Variants in BANK1 observed in about 807,000 individuals in gnomAD.
The protein encoded by BANK1 is B cell scaffold protein with ankyrin repeats 1.
A neutral mutation model predicts 94.5 loss-of-function variants in BANK1; 95 were observed. That is an observed-to-expected ratio of 1.00 (90% CI 0.85 to 1.19). The LOEUF (loss-of-function observed/expected upper bound fraction) is 1.19, where lower values mean the gene tolerates loss of function less well. Ranked by LOEUF, BANK1 falls within the 50% of genes most tolerant of loss-of-function variation. The pLI, the probability that BANK1 is intolerant of heterozygous loss-of-function variation, is 0.00. For missense variants in BANK1, 987 were observed against 932.2 expected (o/e 1.06, Z -0.77); for synonymous variants, 334 against 308.4 (o/e 1.08, Z -0.87).
chr4:101,873,796 G>A (rs1299505104), intron 5 of BANK1, among the ~76,000 whole-genome samples: 1 of 152,040 alleles, frequency 6.6e-6, no homozygotes, highest in African/African-American at 2.4e-5. Flanking sequence ...GCCCAGTTTG[G>A]GATGATAATT....
intron 6 of BANK1, among the ~76,000 whole-genome samples, chr4:101,916,127 A>G (rs73836642): frequency 7.9e-4 from 120 of 152,152 alleles, no homozygotes; most frequent in African/African-American, 2.7e-3. Flanking sequence ...AGCATTTGTG[A>G]CATGGCATCA....
intron 5 of BANK1, among the ~76,000 whole-genome samples, chr4:101,881,574 CA>C: frequency 6.6e-6 from 1 of 152,106 alleles, no homozygotes; most frequent in Non-Finnish European, 1.5e-5. Context: ...GGTATATACC[CA>C]AAAGAAAGGA....
chr4:101,904,874 G>C (rs953968286), intron 6 of BANK1, among the ~76,000 whole-genome samples: 1 of 152,210 alleles, frequency 6.6e-6, no homozygotes, highest in African/African-American at 2.4e-5. Flanking sequence ...CAGACGTCCA[G>C]TGCTGTAGAG....
chr4:101,910,461 C>A (rs539074751), intron 6 of BANK1, among the ~76,000 whole-genome samples: 2 of 152,064 alleles, frequency 1.3e-5, no homozygotes, highest in East Asian at 1.9e-4. Context: ...GCGGGCTGAT[C>A]ACCTGAGGTC....
rs1366244081 is a variant in BANK1, at chr4:101,830,034, G to T, written c.297G>T (p.Gln99His). ...LLRDLTPKKCQFLEKILHSPK... is the reference protein window; with the variant it reads ...LLRDLTPKKCHFLEKILHSPK... Reference sequence around the variant, plus strand: ...GAGACCTAACTCCAAAGAAATGTCAGTTTCTGGAAAAGATACTTCATTCAC... The same window carrying T: ...GAGACCTAACTCCAAAGAAATGTCATTTTCTGGAAAAGATACTTCATTCAC... The change falls in exon 2 of 17, where the codon CAG becomes CAT. Residue 99 changes from glutamine (Q) to histidine (H), a missense_variant. By Grantham distance (24) the Gln-to-His change is conservative (BLOSUM62 0). Transcript: ENST00000322953. 2 of 1,613,740 alleles carry T rather than the reference G, an allele frequency of 1.2e-6. No homozygotes were observed. Among genetic ancestry groups the T allele is most frequent in the Admixed American group, 1.7e-5 (1 of 59,974 alleles).
At chr4:101,935,153 G>A (rs1723486618) in intron 7 of BANK1, among the ~76,000 whole-genome samples, 1 of 151,444 alleles carries the variant, frequency 6.6e-6, no homozygotes, top group Non-Finnish European at 1.5e-5. Flanking sequence ...AGGGATCTTT[G>A]TTTTGTTTTT....
chr4:101,903,901 T>C (rs1722361061), intron 6 of BANK1, among the ~76,000 whole-genome samples: 1 of 152,170 alleles, frequency 6.6e-6, no homozygotes, highest in South Asian at 2.1e-4. Flanking sequence ...CACGAGAAAT[T>C]GAATTTTGCA....
In BANK1 at chr4:102,060,370, G is replaced by C. The variant is rs1728377761; in HGVS notation, c.2129G>C (p.Gly710Ala). Residue 710 changes from glycine to alanine, a missense_variant, in exon 12 of 17, where the codon GGC (glycine) becomes GCC (alanine). Transcript: ENST00000322953. ...AAACACTGGCAGATGGGAAAAAGTG[G>C]CCTGGAAATGATTCAGCAGGTAATA... is the stretch of plus-strand genomic sequence containing the variant. ...KFKHWQMGKS[G>A]LEMIQQEKLR... 2 of 1,608,580 alleles carry C rather than the reference G, an allele frequency of 1.2e-6. No homozygotes were observed. The highest frequency in any genetic ancestry group is 4.5e-5 in the East Asian group (2 of 44,286).
chr4:101,853,705 A>G (rs1339060084), intron 2 of BANK1, among the ~76,000 whole-genome samples: 1 of 152,148 alleles, frequency 6.6e-6, no homozygotes, highest in Non-Finnish European at 1.5e-5. Context: ...ACTTGGAAGT[A>G]ACGGACCAAC....
chr4:101,893,614 A>G (rs543045289), intron 5 of BANK1, among the ~76,000 whole-genome samples: 11 of 152,152 alleles, frequency 7.2e-5, no homozygotes, highest in Admixed American at 4.6e-4. Flanking sequence ...CATATTACCA[A>G]TAATTTTTTG....
rs895821650 is a variant in BANK1 at position 101,926,620 on chromosome 4, A to G, written c.1206+8431A>G. The stretch of plus-strand genomic sequence containing the variant: ...GAAATAAGACTATAAATAAATAAAG[A>G]TATACAATGTGTCCAGTGGAAATTA... On this transcript the variant is annotated intron_variant, in intron 7 of 16. Transcript: ENST00000322953. Among the ~76,000 whole-genome samples the G allele has an allele frequency of 3.9e-5, 6 of 151,900 alleles. 1 individual carries two copies. The highest frequency in any genetic ancestry group is 3.9e-4 in the Admixed American group (6 of 15,234).
chr4:102,055,356 AAG>A (rs1405924932), intron 11 of BANK1, among the ~76,000 whole-genome samples: 1 of 150,312 alleles, frequency 6.7e-6, no homozygotes, highest in Non-Finnish European at 1.5e-5. Flanking sequence ...ATAAAATAGA[AAG>A]AGAATAATTT....
At chr4:102,039,220 C>T (rs1727625992) in intron 10 of BANK1, among the ~76,000 whole-genome samples, 1 of 152,014 alleles carries the variant, frequency 6.6e-6, no homozygotes, top group Non-Finnish European at 1.5e-5. Context: ...TTGAATGTAC[C>T]CGTTGAAATG....
rs1375943556 is a variant in BANK1, at chr4:101,991,828, T to A, written c.1207-29686T>A. The stretch of plus-strand genomic sequence containing the variant: ...GTGTTTGTACACATACGTGTGTATT[T>A]GCACATACATGTACATGTCTGGTTG... On this transcript the variant is annotated intron_variant, in intron 7 of 16. Coordinates refer to ENST00000322953, the MANE Select transcript of BANK1 (RefSeq NM_017935.5). 2.6e-5 allele frequency among the ~76,000 whole-genome samples: 4 copies of A among 152,354 alleles called. No individual in the cohort carries two copies. In the East Asian group the frequency reaches 7.7e-4, roughly 29 times the overall value.
chr4:101,868,580 C>T (rs994528731), intron 4 of BANK1, among the ~76,000 whole-genome samples: 2 of 151,884 alleles, frequency 1.3e-5, no homozygotes, highest in Non-Finnish European at 2.9e-5. Context: ...TGTGTACTTA[C>T]AGGGTTAGGT....
intron 7 of BANK1, among the ~76,000 whole-genome samples, chr4:101,995,640 A>G (rs563535032): frequency 2.8e-4 from 43 of 152,282 alleles, no homozygotes; most frequent in Admixed American, 4.6e-4. Flanking sequence ...CTCCATTCTA[A>G]CTAGCATGAG....
intron 7 of BANK1, among the ~76,000 whole-genome samples, chr4:101,977,456 G>A (rs533886979): frequency 6.6e-6 from 1 of 152,222 alleles, no homozygotes; most frequent in African/African-American, 2.4e-5. Context: ...TGTCACTGTG[G>A]TCGTTAAATG....
intron 1 of BANK1, among the ~76,000 whole-genome samples, chr4:101,819,134 AT>A (rs1726036406): frequency 1.3e-5 from 2 of 152,148 alleles, no homozygotes; most frequent in South Asian, 4.1e-4. Flanking sequence ...ACTTCTATAA[AT>A]TCCCAAAAAA....
At chr4:102,067,504 T>A (rs1277942906) in intron 13 of BANK1, among the ~76,000 whole-genome samples, 1 of 151,986 alleles carries the variant, frequency 6.6e-6, no homozygotes, top group Non-Finnish European at 1.5e-5. Context: ...ATAAGAAAGC[T>A]GGCATGGCTA....
Sources: allele counts gnomAD v4.1 joint callset (sites outside exome capture counted in the v4.1 genomes callset), GRCh38; gene constraint gnomAD v4.1.1; transcripts MANE v1.5; gene names NCBI Gene and HGNC (gene_info 2026-07-23, HGNC 2026-07-21).